The following ZNF823 variants were observed in gnomAD, a reference collection of about 807,000 sequenced individuals.
The protein encoded by ZNF823 is zinc finger protein 823.
Under a neutral mutation model 11.4 loss-of-function variants are expected in ZNF823, and 5 were observed. The ratio of observed to expected loss-of-function variants is 0.44; its 90% CI spans 0.23 to 0.92. The LOEUF (loss-of-function observed/expected upper bound fraction) is 0.92. Among genes scored for constraint, ZNF823 ranks in the 40% least tolerant of loss-of-function variants. ZNF823 has a pLI of 0.24. For synonymous variants in ZNF823, 234 were observed against 250.5 expected (o/e 0.93, Z 0.62); for missense variants, 582 against 738.5 (o/e 0.79, Z 2.46).
At chr19:11,736,065 C>G (rs6511745) in intron 1 of ZNF823, among the ~76,000 whole-genome samples, 12,741 of 150,616 alleles carry the variant, frequency 0.085, 1,162 homozygotes, top group African/African-American at 0.24. Flanking sequence ...ACAAAGGAGA[C>G]GAACTAACAT....
chr19:11,726,920 C>T lies in ZNF823; in HGVS notation c.4-1593G>A, dbSNP rs561808984. Among the ~76,000 whole-genome samples the T allele has an allele frequency of 2.6e-5, 4 of 152,276 alleles. No individual in the cohort carries two copies. In the South Asian group the frequency reaches 6.2e-4, roughly 24 times the overall value. ...ATTTAGCCCATCCTATGCAATTACA[C>T]TAAGAGAGAACATTTGGAAACTGGC... is the stretch of plus-strand genomic sequence containing the variant. On this transcript the variant is annotated intron_variant, in intron 1 of 3. Transcript: ENST00000341191.
chr19:11,724,702 G>T (rs930516941), intron 2 of ZNF823, among the ~76,000 whole-genome samples: 1 of 151,762 alleles, frequency 6.6e-6, no homozygotes, highest in East Asian at 1.9e-4. Flanking sequence ...GGGGCTACAG[G>T]TGTCCGCCAT....
At chr19:11,731,505 G>A (rs541606492) in intron 1 of ZNF823, among the ~76,000 whole-genome samples, 9 of 152,170 alleles carry the variant, frequency 5.9e-5, no homozygotes, top group South Asian at 2.1e-4. Flanking sequence ...AAGGTGTGCC[G>A]TTCGCTGAAC....
At chr19:11,725,855 A>G (rs10425906) in intron 1 of ZNF823, 12,840 of 154,622 alleles carry the variant, frequency 0.083, 1,173 homozygotes, top group African/African-American at 0.23. Flanking sequence ...ATCACTTTGC[A>G]GGGCCAAAGT....
At chr19:11,731,745 C>T (rs1486846416) in intron 1 of ZNF823, among the ~76,000 whole-genome samples, 1 of 152,180 alleles carries the variant, frequency 6.6e-6, no homozygotes. Context: ...CGCAGTGGCT[C>T]ACGCCTGTAA....
At chr19:11,725,414 T>C in intron 1 of ZNF823, 87 bp from the exon 2 acceptor site, 1 of 1,559,296 alleles carries the variant, frequency 6.4e-7, no homozygotes, top group African/African-American at 1.4e-5. Flanking sequence ...TGCATGATGC[T>C]GTGGTTTCCA....
Position 11,725,386 on chromosome 19 carries a change from T to C in ZNF823, c.4-59A>G. ...TGAGATGGACAGCACTGAGAATCCA[T>C]ACTCACTGCATAAACTTTGCATGAT... On this transcript the variant is annotated intron_variant, in intron 1 of 3. Coordinates refer to ENST00000341191, the MANE Select transcript of ZNF823 (RefSeq NM_001080493.4). The C allele has an allele frequency of 4.4e-6, 7 of 1,602,462 alleles. No homozygotes were observed. The East Asian group carries it at 6.7e-5, about 15-fold the overall frequency.
intron 1 of ZNF823, among the ~76,000 whole-genome samples, chr19:11,737,872 C>T (rs1485476517): frequency 6.6e-6 from 1 of 152,054 alleles, no homozygotes; most frequent in African/African-American, 2.4e-5. Context: ...ACCCTGCTGC[C>T]CACATCTTTG....
chr19:11,726,393 C>A (rs1052744602), intron 1 of ZNF823, among the ~76,000 whole-genome samples: 1 of 150,764 alleles, frequency 6.6e-6, no homozygotes, highest in African/African-American at 2.4e-5. Context: ...TACCTGTTAG[C>A]CACAGCACAA....
intron 2 of ZNF823, 32 bp downstream of exon 2, chr19:11,725,169 T>C: frequency 6.2e-7 from 1 of 1,602,120 alleles, no homozygotes; most frequent in Non-Finnish European, 8.5e-7. Flanking sequence ...ATGTCTCTAA[T>C]TGACTAAGTG....
intron 1 of ZNF823, among the ~76,000 whole-genome samples, chr19:11,735,952 C>T (rs1974985397): frequency 6.7e-6 from 1 of 149,678 alleles, no homozygotes; most frequent in Admixed American, 6.6e-5. Context: ...TATTTGAGTT[C>T]TTTAGCTGTT....
In ZNF823 at chr19:11,723,291, G is replaced by A. The variant is rs772800959; in HGVS notation, c.243C>T (p.Gly81=). 5 of 1,613,488 alleles carry A rather than the reference G, an allele frequency of 3.1e-6. No individual in the cohort carries two copies. In the African/African-American group the frequency reaches 4.0e-5, roughly 13 times the overall value. ...TGTTCACAATACTATCTGGAATCTGGCCAAAAGTTTCTCCACATTGACTGT... is the reference window on the plus strand; with the variant it reads ...TGTTCACAATACTATCTGGAATCTGACCAAAAGTTTCTCCACATTGACTGT... ...KDDSQCGETF[G]QIPDSIVNKN... Residue 81 remains glycine (G), a synonymous_variant, in exon 4 of 4, where the codon GGC becomes GGT. Transcript: ENST00000341191.
At position 11,722,425 on chromosome 19, in the gene ZNF823, G is replaced by C. The variant is rs749459878; in HGVS notation, c.1109C>G (p.Ser370Cys). ...YECKQCGKVL[S>C]HSSSFRSHMI... is the part of the protein sequence containing the mutation. The stretch of plus-strand genomic sequence containing the variant: ...GTGACTTCGAAAGCTCGAGCTATGA[G>C]ATAACACTTTCCCACACTGCTTACA... Residue 370 changes from serine to cysteine, a missense_variant, in exon 4 of 4, where the codon TCT becomes TGT. By Grantham distance (112) the Ser-to-Cys change is moderately radical. Transcript: ENST00000341191. The surrounding 1 kb of genome is among the most constrained non-coding windows in gnomAD (Gnocchi z 5.2). 1.9e-6 allele frequency: 3 copies of C among 1,612,898 alleles called. No homozygotes were observed. The highest frequency in any genetic ancestry group is 2.5e-6 in the Non-Finnish European group (3 of 1,179,778).
Position 11,724,256 on chromosome 19 carries a change from TA to T in ZNF823, c.131-3del. 1 of 1,604,084 alleles carries T rather than the reference TA, an allele frequency of 6.2e-7. No homozygotes were observed. The highest frequency in any genetic ancestry group is 1.7e-5 in the Admixed American group (1 of 57,590). ...TGTTCTGGTCCTCCCATTTCATTTC[TA>T]AAAGGTAGACCCAGGAAAATCACTA... On this transcript the variant is annotated splice_region_variant and splice_polypyrimidine_tract_variant and intron_variant, in intron 2 of 3. Coordinates refer to ENST00000341191, the MANE Select transcript of ZNF823 (RefSeq NM_001080493.4).
At chr19:11,738,580 C>CGCCGGG (rs1975038748) in intron 1 of ZNF823, among the ~76,000 whole-genome samples, 1 of 152,372 alleles carries the variant, frequency 6.6e-6, no homozygotes, top group South Asian at 2.1e-4. Flanking sequence ...CCAGAGAGGG[C>CGCCGGG]GCCGGGGCCG....
chr19:11,725,216 T>TC lies in ZNF823; in HGVS notation c.114dup (p.Asn39GlufsTer31). 2 of 1,613,918 alleles carry TC rather than the reference T, an allele frequency of 1.2e-6. No individual in the cohort carries two copies. The highest frequency in any genetic ancestry group is 1.7e-6 in the Non-Finnish European group (2 of 1,179,892). ...TCATCCTTACCTATACAGTCCAGGT[T>TC]CCTAATGGTTTCCTGCATGACATTT... On this transcript the variant is annotated frameshift_variant, in exon 2 of 4. Transcript: ENST00000341191. LOFTEE classifies it high-confidence loss of function.
intron 1 of ZNF823, among the ~76,000 whole-genome samples, chr19:11,731,001 T>TAAAA (rs1299112742): frequency 9.3e-4 from 54 of 58,092 alleles, no homozygotes; most frequent in African/African-American, 2.9e-3. Context: ...GCAAAGAAAC[T>TAAAA]AAAAAAAAAA....
rs1974700529 is a variant in ZNF823 at position 11,722,310 on chromosome 19, C to T, written c.1224G>A (p.Arg408=). 6.2e-7 allele frequency: 1 copy of T among 1,613,550 alleles called. No individual in the cohort carries two copies. Among genetic ancestry groups the T allele is most frequent in the South Asian group, 1.1e-5 (1 of 91,040 alleles). ...GCPSLFQRHE[R]THTGEKPYQC... ...GATAGGGTTTCTCTCCAGTGTGAGT[C>T]CTTTCATGTCTTTGAAATAAACTGG... The change falls in exon 4 of 4, where the codon AGG becomes AGA. Residue 408 remains arginine, a synonymous_variant. Transcript: ENST00000341191. The surrounding 1 kb of genome is among the most constrained non-coding windows in gnomAD (Gnocchi z 5.2).
chr19:11,726,848 T>C (rs1258309690), intron 1 of ZNF823, among the ~76,000 whole-genome samples: 7 of 152,224 alleles, frequency 4.6e-5, no homozygotes, highest in Non-Finnish European at 8.8e-5. Context: ...TGACGGACCC[T>C]AGTAGCTAAC....
Sources: allele counts gnomAD v4.1 joint callset (sites outside exome capture counted in the v4.1 genomes callset), GRCh38; gene constraint gnomAD v4.1.1; non-coding constraint Gnocchi (gnomAD v3.1); transcripts MANE v1.5; gene names NCBI Gene and HGNC (gene_info 2026-07-23, HGNC 2026-07-21).